The following ARMC9 variants were observed in gnomAD, a reference collection of about 807,000 sequenced individuals.
ARMC9 encodes the protein armadillo repeat containing 9.
Under a neutral mutation model 107.0 loss-of-function variants are expected in ARMC9, and 94 were observed. That is an observed-to-expected ratio of 0.88 (90% confidence interval 0.74 to 1.04). The LOEUF is 1.04. ARMC9 is among the 50% of genes least tolerant of loss of function. ARMC9 has a pLI of 0.00. For missense variants in ARMC9, 942 were observed against 1,030.1 expected (o/e 0.91, Z 1.17); for synonymous variants, 380 against 396.9 (o/e 0.96, Z 0.51).
intron 18 of ARMC9, 143 bp from the exon 19 acceptor site, chr2:231,296,055 G>C (rs1326754967): frequency 3.9e-6 from 2 of 513,954 alleles, no homozygotes; most frequent in Non-Finnish European, 6.8e-6. Flanking sequence ...AAATGGTTGT[G>C]ATTAGGATGG....
Position 231,260,415 on chromosome 2 carries a change from C to A in ARMC9, c.1026+1313C>A, listed in dbSNP as rs543678069. On this transcript the variant is annotated intron_variant, in intron 11 of 24. Transcript: ENST00000611582. ...GCCAGCAGTTCTTTAACTGAACAGT[C>A]CATTCTAATTCATTAGCATCAGACA... Among the ~76,000 whole-genome samples, 64 of 152,274 alleles carry A rather than the reference C, an allele frequency of 4.2e-4. 1 individual carries two copies. The South Asian group carries it at 0.013, about 30-fold the overall frequency.
intron 12 of ARMC9, among the ~76,000 whole-genome samples, chr2:231,263,603 G>T (rs991035883): frequency 4.6e-5 from 7 of 152,196 alleles, no homozygotes; most frequent in African/African-American, 1.7e-4. Context: ...ATGAGTTTTG[G>T]TGGGGACATT....
Position 231,371,570 on chromosome 2 carries a change from G to A in ARMC9, c.*35G>A. ...CGGGTGTCCCCATCACGTTGCCGGA[G>A]GACCAGCCAGCTTCCCGCTCTCAGC... On this transcript the variant is annotated 3_prime_UTR_variant, in exon 25 of 25. Coordinates refer to ENST00000611582, the MANE Select transcript of ARMC9 (RefSeq NM_001352754.2). The A allele has an allele frequency of 1.6e-6, 2 of 1,235,028 alleles. No individual in the cohort carries two copies. Among genetic ancestry groups the A allele is most frequent in the Non-Finnish European group, 2.0e-6 (2 of 988,686 alleles). 76.5% of individuals were successfully genotyped at this position (1,235,028 alleles called of 1,614,324 possible). A position where few individuals can be genotyped will look rare whatever the true frequency, so the allele number is the denominator to read the frequency against.
intron 19 of ARMC9, among the ~76,000 whole-genome samples, chr2:231,314,159 A>G (rs1044361438): frequency 1.3e-5 from 2 of 150,942 alleles, no homozygotes; most frequent in East Asian, 3.9e-4. Flanking sequence ...AGCTCACTAC[A>G]ACCTCCGCCT....
intron 20 of ARMC9, among the ~76,000 whole-genome samples, chr2:231,340,711 A>G (rs1038760791): frequency 3.7e-4 from 56 of 151,480 alleles, no homozygotes; most frequent in African/African-American, 1.2e-3. Context: ...GCATAGTGAA[A>G]CCCCGTCTCT....
intron 18 of ARMC9, 141 bp downstream of exon 18, chr2:231,291,584 G>A (rs1417693024): frequency 4.0e-5 from 28 of 695,566 alleles, no homozygotes; most frequent in African/African-American, 3.2e-4. Context: ...TTGGGAGGCC[G>A]AGGTGGGTGG....
At chr2:231,341,208 A>G (rs1278975372) in intron 20 of ARMC9, among the ~76,000 whole-genome samples, 1 of 152,230 alleles carries the variant, frequency 6.6e-6, no homozygotes, top group Non-Finnish European at 1.5e-5. Context: ...CTACACATAC[A>G]TAAAATGACC....
chr2:231,239,482 A>G (rs1217412016), intron 8 of ARMC9, among the ~76,000 whole-genome samples: 1 of 152,224 alleles, frequency 6.6e-6, no homozygotes, highest in Non-Finnish European at 1.5e-5. Context: ...TTACCTGCTC[A>G]CTGTGGCTGT....
chr2:231,260,243 C>G (rs2038207429), intron 11 of ARMC9, among the ~76,000 whole-genome samples: 1 of 152,118 alleles, frequency 6.6e-6, no homozygotes, highest in Non-Finnish European at 1.5e-5. Context: ...TTCATATAGC[C>G]TCCCAGAGAT....
intron 20 of ARMC9, among the ~76,000 whole-genome samples, chr2:231,337,564 G>A (rs2044216905): frequency 7.2e-6 from 1 of 138,056 alleles, no homozygotes; most frequent in Non-Finnish European, 1.6e-5. Flanking sequence ...CCACCTCCCG[G>A]GTTCACGCCA....
At chr2:231,334,233 C>T (rs558759781) in intron 20 of ARMC9, among the ~76,000 whole-genome samples, 1 of 152,356 alleles carries the variant, frequency 6.6e-6, no homozygotes, top group Non-Finnish European at 1.5e-5. Flanking sequence ...CAAAGCACCA[C>T]TAACTGCAGA....
chr2:231,271,297 G>A (rs561007895), intron 13 of ARMC9, among the ~76,000 whole-genome samples: 10 of 152,162 alleles, frequency 6.6e-5, no homozygotes, highest in Admixed American at 2.0e-4. Flanking sequence ...TAAACCTCCC[G>A]GTTTTATTTT....
intron 19 of ARMC9, among the ~76,000 whole-genome samples, chr2:231,313,612 C>T (rs2042481158): frequency 1.3e-5 from 2 of 152,160 alleles, no homozygotes. Context: ...CTGCAAAGCT[C>T]CCTTGTGCAC....
Position 231,275,026 on chromosome 2 carries a change from G to A in ARMC9, c.1335-1610G>A, listed in dbSNP as rs1373197695. Among the ~76,000 whole-genome samples, 9 of 152,148 alleles carry A rather than the reference G, an allele frequency of 5.9e-5. No homozygotes were observed. In the East Asian group the frequency reaches 1.7e-3, roughly 29 times the overall value. On this transcript the variant is annotated intron_variant, in intron 14 of 24. Coordinates refer to ENST00000611582, the MANE Select transcript of ARMC9 (RefSeq NM_001352754.2). ...TAGTTAAGTAACAGATACAAGATAT[G>A]GTGAAAAAAATACTTCCTCCTGGTA...
Position 231,371,586 on chromosome 2 carries a change from C to G in ARMC9, c.*51C>G. ...GTTGCCGGAGGACCAGCCAGCTTCC[C>G]GCTCTCAGCTGGCAGCAGCTGCCGG... On this transcript the variant is annotated 3_prime_UTR_variant, in exon 25 of 25. Transcript: ENST00000611582. 1 of 1,230,562 alleles carries G rather than the reference C, an allele frequency of 8.1e-7. No homozygotes were observed. The allele number at this position is 1,230,562 out of a possible 1,614,324, so 76.2% of individuals were successfully genotyped here.
At position 231,208,152 on chromosome 2, in the gene ARMC9, AC is replaced by A. The variant is rs762030269; in HGVS notation, c.78del (p.Asp26GlufsTer3). 2 of 1,558,824 alleles carry A rather than the reference AC, an allele frequency of 1.3e-6. No individual in the cohort carries two copies. The highest frequency in any genetic ancestry group is 4.5e-5 in the East Asian group (2 of 44,548). The part of the protein sequence containing the change: ...KEYLDFAEFE[D>X]TLKTFSKECK... Reference sequence around the variant, plus strand: ...TATTTAGATTTTGCTGAATTTGAAGACACCTTGAAAACATTTTCAAAAGAAT... The same window carrying A: ...TATTTAGATTTTGCTGAATTTGAAGAACCTTGAAAACATTTTCAAAAGAAT... On this transcript the variant is annotated frameshift_variant, in exon 3 of 25. Transcript: ENST00000611582. LOFTEE classifies it high-confidence loss of function.
At chr2:231,231,694 ATTT>A (rs56732024) in intron 7 of ARMC9, among the ~76,000 whole-genome samples, 2 of 144,456 alleles carry the variant, frequency 1.4e-5, no homozygotes, top group African/African-American at 2.6e-5. Flanking sequence ...TGAAAAAAAA[ATTT>A]TTTTTTTTTG....
intron 9 of ARMC9, among the ~76,000 whole-genome samples, chr2:231,244,092 T>G (rs532072978): frequency 5.3e-5 from 8 of 152,228 alleles, no homozygotes; most frequent in Non-Finnish European, 1.2e-4. Context: ...AATTACATTC[T>G]GTAAAGGAGC....
At chr2:231,225,187 TA>T (rs2034523552) in intron 6 of ARMC9, among the ~76,000 whole-genome samples, 1 of 152,212 alleles carries the variant, frequency 6.6e-6, no homozygotes, top group Non-Finnish European at 1.5e-5. Flanking sequence ...TAGGTACATG[TA>T]TGTGTGTGTA....
Sources: gnomAD v4.1 joint callset for allele counts (sites outside exome capture counted in the v4.1 genomes callset) on GRCh38, gnomAD v4.1.1 for gene constraint, MANE v1.5 for transcripts, NCBI Gene and HGNC (gene_info 2026-07-23, HGNC 2026-07-21) for gene names.